The following BANP variants were observed in gnomAD, a reference collection of about 807,000 sequenced individuals.
The protein encoded by BANP is BTG3 associated nuclear protein, also known as protein BANP.
Under a neutral mutation model 68.1 loss-of-function variants are expected in BANP, and 11 were observed. The observed-to-expected ratio is 0.16, with a 90% CI of 0.10 to 0.27. The LOEUF is 0.27. Ranked by LOEUF, BANP falls within the 10% of genes least tolerant of loss-of-function variation. The pLI is 1.00. For synonymous variants in BANP, 329 were observed against 303.2 expected, an observed-to-expected ratio of 1.09 and a Z score of -0.88; for missense variants, 504 against 722.7, an observed-to-expected ratio of 0.70 and a Z score of 3.47.
chr16:88,059,728 C>T (rs1374504435), intron 11 of BANP, among the ~76,000 whole-genome samples: 1 of 152,176 alleles, frequency 6.6e-6, no homozygotes, highest in Non-Finnish European at 1.5e-5. Context: ...GAGACGTGTG[C>T]TACTCCTCGC....
At chr16:88,016,368 C>G (rs1436528500) in intron 6 of BANP, among the ~76,000 whole-genome samples, 6 of 152,232 alleles carry the variant, frequency 3.9e-5, no homozygotes, top group African/African-American at 1.2e-4. Flanking sequence ...GAGTCCATGA[C>G]CATCTCTAGC....
chr16:87,956,761 TTGTC>T (rs915692909), intron 1 of BANP: 15 of 152,056 alleles, frequency 9.9e-5, no homozygotes, highest in African/African-American at 3.4e-4. Context: ...GGGACTCCCT[TTGTC>T]TGTTGTACAA....
chr16:88,018,227 G>A lies in BANP; in HGVS notation c.656-201G>A, dbSNP rs920824039. 1.3e-5 allele frequency among the ~76,000 whole-genome samples: 2 copies of A among 152,022 alleles called. No individual in the cohort carries two copies. The highest frequency in any genetic ancestry group is 6.5e-5 in the Admixed American group (1 of 15,274). On this transcript the variant is annotated intron_variant, in intron 6 of 13. Transcript: ENST00000682872. This position sits in a 1 kb window ranked among gnomAD's most constrained non-coding sequence, Gnocchi z 7.7. ...GCCGCTTCTCGGGGGTGGTGGGATC[G>A]TGTCTGTTCCGCGTCAGTTCTTTCT...
rs959557114 is a variant in BANP at position 88,036,306 on chromosome 16, G to A, written c.1272+912G>A. 1.3e-5 allele frequency among the ~76,000 whole-genome samples: 2 copies of A among 152,224 alleles called. No homozygotes were observed. The highest frequency in any genetic ancestry group is 4.8e-5 in the African/African-American group (2 of 41,456). On this transcript the variant is annotated intron_variant, in intron 10 of 13. Coordinates refer to ENST00000682872, the MANE Select transcript of BANP (RefSeq NM_001386991.1). The surrounding 1 kb of genome is among the most constrained non-coding windows in gnomAD (Gnocchi z 4.2). ...GGCTTCCCCACACACACCAGCAGCA[G>A]AGACTAGGAAGCCCGGGTGCTGAGG...
In BANP at chr16:87,975,125, G is replaced by A; in HGVS notation, c.10G>A (p.Glu4Lys). 1.2e-6 allele frequency: 2 copies of A among 1,614,064 alleles called. No individual in the cohort carries two copies. The highest frequency in any genetic ancestry group is 2.2e-5 in the South Asian group (2 of 91,072). Residue 4 changes from glutamate to lysine, a missense_variant, in exon 2 of 14, where the codon GAA becomes AAA. Transcript: ENST00000682872. MMS[E>K]HDLADVVQIA... ...ACTCTCCGTGCTCTGGATGATGTCG[G>A]AACACGACCTGGCCGATGTGGTTCA...
At position 88,002,874 on chromosome 16, in the gene BANP, C is replaced by A. The variant is rs1318207717; in HGVS notation, c.363-1421C>A. Among the ~76,000 whole-genome samples the A allele has an allele frequency of 1.3e-5, 2 of 152,198 alleles. No individual in the cohort carries two copies. The highest frequency in any genetic ancestry group is 2.9e-5 in the Non-Finnish European group (2 of 68,036). On this transcript the variant is annotated intron_variant, in intron 4 of 13. Transcript: ENST00000682872. The surrounding 1 kb of genome is among the most constrained non-coding windows in gnomAD (Gnocchi z 4.6). ...GCTTCTCAGCAGCACCGTCCTTCTT[C>A]AGTTGCTCATGGGGGGAGAGAATAA...
intron 3 of BANP, among the ~76,000 whole-genome samples, chr16:87,982,324 T>G (rs1239642612): frequency 6.6e-6 from 1 of 152,182 alleles, no homozygotes; most frequent in Non-Finnish European, 1.5e-5. Context: ...GGCTCTAGGT[T>G]GTTTTATTGG....
chr16:87,975,306 A>C (rs2061813367), intron 2 of BANP, 121 bp downstream of exon 2: 3 of 997,376 alleles, frequency 3.0e-6, no homozygotes, highest in Non-Finnish European at 3.1e-6. Context: ...TGCGTATGAA[A>C]AGTTTGAATC....
chr16:87,991,574 A>G (rs12449051), intron 4 of BANP, among the ~76,000 whole-genome samples: 50,560 of 152,114 alleles, frequency 0.33, 9,750 homozygotes, highest in Non-Finnish European at 0.46. Flanking sequence ...TCTCTTAGCA[A>G]TGTTATACAG....
rs2069553639 is a variant in BANP at position 88,002,043 on chromosome 16, A to G, written c.363-2252A>G. ...CACTTAGAACTAATTCTTGATAATA[A>G]AATACTAGGAATGTATTTTTGAAGA... is the stretch of plus-strand genomic sequence containing the variant. On this transcript the variant is annotated intron_variant, in intron 4 of 13. Transcript: ENST00000682872. The surrounding 1 kb of genome is among the most constrained non-coding windows in gnomAD (Gnocchi z 4.6). Among the ~76,000 whole-genome samples the G allele has an allele frequency of 1.3e-5, 2 of 152,214 alleles. No individual in the cohort carries two copies. The highest frequency in any genetic ancestry group is 4.1e-4 in the South Asian group (2 of 4,824).
chr16:87,982,367 C>G (rs1030288719), intron 3 of BANP, among the ~76,000 whole-genome samples: 4 of 152,142 alleles, frequency 2.6e-5, no homozygotes, highest in Non-Finnish European at 5.9e-5. Flanking sequence ...AAACCCCAGG[C>G]AGAATCATTT....
chr16:87,978,545 C>T (rs11859806), intron 2 of BANP: 36 of 459,956 alleles, frequency 7.8e-5, no homozygotes, highest in African/African-American at 7.2e-4. Context: ...TTAAAAGTTT[C>T]ATTAAGTGAG....
chr16:88,039,115 G>T (rs1320540238), intron 11 of BANP, among the ~76,000 whole-genome samples: 1 of 152,166 alleles, frequency 6.6e-6, no homozygotes, highest in Admixed American at 6.5e-5. Flanking sequence ...TGGGAGAAGG[G>T]CTGCAGACCC....
chr16:87,965,207 T>C (rs112809045), intron 1 of BANP, among the ~76,000 whole-genome samples: 4,083 of 152,090 alleles, frequency 0.027, 191 homozygotes, highest in African/African-American at 0.092. Flanking sequence ...GGAGCCGGAA[T>C]GAGCCCCATC....
At chr16:87,982,513 AC>A (rs2146110010) in intron 3 of BANP, 1 of 152,348 alleles carries the variant, frequency 6.6e-6, no homozygotes, top group South Asian at 2.1e-4. Context: ...GTTGCTTTTC[AC>A]GACGATGCAT....
intron 3 of BANP, among the ~76,000 whole-genome samples, chr16:87,981,458 A>G (rs1217580638): frequency 6.6e-6 from 1 of 152,176 alleles, no homozygotes; most frequent in Non-Finnish European, 1.5e-5. Flanking sequence ...CATTGGATTT[A>G]AGGCCCACCC....
chr16:88,072,670 A>G (rs949841613), intron 13 of BANP, among the ~76,000 whole-genome samples: 5 of 152,240 alleles, frequency 3.3e-5, no homozygotes, highest in African/African-American at 1.2e-4. Flanking sequence ...TGGATGGCCC[A>G]GCGGGCCCAG....
chr16:87,956,522 TCA>T (rs936635487), intron 1 of BANP: 1 of 152,274 alleles, frequency 6.6e-6, no homozygotes, highest in Non-Finnish European at 1.5e-5. Flanking sequence ...TTGGGTGGAA[TCA>T]CACACTTGCA....
chr16:88,048,993 T>G lies in BANP; in HGVS notation c.1311+10982T>G, dbSNP rs894638475. 3.3e-5 allele frequency among the ~76,000 whole-genome samples: 5 copies of G among 152,248 alleles called. No homozygotes were observed. The South Asian group carries it at 1.0e-3, about 32-fold the overall frequency. On this transcript the variant is annotated intron_variant, in intron 11 of 13. Transcript: ENST00000682872. Reference sequence around the variant, plus strand: ...GGCAAAGCTCTGCAGACCACATGTTTCCTCTGCTCTCACACCGTGACCATC... The same window carrying G: ...GGCAAAGCTCTGCAGACCACATGTTGCCTCTGCTCTCACACCGTGACCATC...
Sources: gnomAD v4.1 joint callset for allele counts (sites outside exome capture counted in the v4.1 genomes callset) on GRCh38, gnomAD v4.1.1 for gene constraint, Gnocchi (gnomAD v3.1) non-coding constraint, MANE v1.5 for transcripts, NCBI Gene and HGNC (gene_info 2026-07-23, HGNC 2026-07-21) for gene names.